The following SLC44A5 variants were observed in gnomAD, a reference collection of about 807,000 sequenced individuals.
The protein encoded by SLC44A5 is solute carrier family 44 member 5, also known as choline transporter-like protein 5.
SLC44A5 carries 57 observed loss-of-function variants against 101.8 expected under a neutral mutation model. The ratio of observed to expected loss-of-function variants is 0.56; its 90% CI spans 0.45 to 0.70. SLC44A5 has a LOEUF of 0.70. SLC44A5 is among the 30% of genes least tolerant of loss of function. The probability of loss-of-function intolerance (pLI) is 0.00; values close to 1 mark genes in which losing one functional copy is unlikely to be tolerated. For synonymous variants in SLC44A5, 281 were observed against 290.9 expected (o/e 0.97, Z 0.35); for missense variants, 737 against 853.1 (o/e 0.86, Z 1.70).
chr1:75,670,669 G>C, the SLC44A5 span, among the ~76,000 whole-genome samples: 1 of 152,156 alleles, frequency 6.6e-6, no homozygotes, highest in Non-Finnish European at 1.5e-5. Flanking sequence ...ATACAGAATT[G>C]GGGAAGAAGA....
At chr1:75,512,636 C>T (rs1221267512) in intron 2 of SLC44A5, among the ~76,000 whole-genome samples, 3 of 152,090 alleles carry the variant, frequency 2.0e-5, no homozygotes, top group Non-Finnish European at 4.4e-5. Flanking sequence ...ATAATATGCA[C>T]ACAAGTAGAT....
intron 2 of SLC44A5, among the ~76,000 whole-genome samples, chr1:75,509,316 C>A (rs900563998): frequency 6.6e-6 from 1 of 152,132 alleles, no homozygotes; most frequent in African/African-American, 2.4e-5. Context: ...CAGTGTGATT[C>A]GTATTTCTGA....
chr1:75,621,987 C>A, the SLC44A5 span, among the ~76,000 whole-genome samples: 1 of 152,114 alleles, frequency 6.6e-6, no homozygotes, highest in Admixed American at 6.6e-5. Context: ...AATAACACTT[C>A]TTCCCTTTCT....
At chr1:75,404,531 G>C (rs1436003166) in intron 2 of SLC44A5, among the ~76,000 whole-genome samples, 1 of 152,028 alleles carries the variant, frequency 6.6e-6, no homozygotes, top group African/African-American at 2.4e-5. Context: ...GAAGAGAGTG[G>C]GAGCAAATAT....
the SLC44A5 span, among the ~76,000 whole-genome samples, chr1:75,620,179 T>C: frequency 6.6e-6 from 1 of 152,226 alleles, no homozygotes; most frequent in African/African-American, 2.4e-5. Flanking sequence ...TTTTTATGGC[T>C]GCACAGTATT....
the SLC44A5 span, among the ~76,000 whole-genome samples, chr1:75,710,968 T>C: frequency 6.6e-6 from 1 of 152,228 alleles, no homozygotes; most frequent in Non-Finnish European, 1.5e-5. Flanking sequence ...TCTCTACCCA[T>C]TGGCTTCCCC....
chr1:75,267,337 T>C (rs931012246), intron 6 of SLC44A5, among the ~76,000 whole-genome samples: 4 of 152,182 alleles, frequency 2.6e-5, no homozygotes, highest in African/African-American at 9.6e-5. Flanking sequence ...GGTTTTTTTT[T>C]CTTTTAAAGG....
chr1:75,585,436 T>C (rs1032538905), intron 1 of SLC44A5, among the ~76,000 whole-genome samples: 1 of 152,232 alleles, frequency 6.6e-6, no homozygotes, highest in Non-Finnish European at 1.5e-5. Flanking sequence ...TCAATATTCA[T>C]GTATGTAAAA....
chr1:75,400,168 A>G (rs917834503), intron 2 of SLC44A5, among the ~76,000 whole-genome samples: 2 of 152,204 alleles, frequency 1.3e-5, no homozygotes, highest in African/African-American at 4.8e-5. Flanking sequence ...AACAATAGAC[A>G]TTCATGACTC....
chr1:75,600,608 A>C, intron 1 of SLC44A5, among the ~76,000 whole-genome samples: 1 of 152,196 alleles, frequency 6.6e-6, no homozygotes, highest in East Asian at 1.9e-4. Context: ...GTGCCACATA[A>C]TGACATTTTA....
chr1:75,242,097 C>T (rs1484694610), intron 8 of SLC44A5, 36 bp from the exon 9 acceptor site: 6 of 1,545,822 alleles, frequency 3.9e-6, no homozygotes, highest in African/African-American at 1.4e-5. Flanking sequence ...ATTTCAAAGG[C>T]CATGTGATGA....
intron 5 of SLC44A5, among the ~76,000 whole-genome samples, chr1:75,299,783 G>A (rs1277064549): frequency 1.3e-5 from 2 of 151,742 alleles, no homozygotes; most frequent in Non-Finnish European, 2.9e-5. Flanking sequence ...GGCCGAGGGG[G>A]GCAGATCATG....
intron 1 of SLC44A5, among the ~76,000 whole-genome samples, chr1:75,578,324 C>T (rs906610804): frequency 2.6e-5 from 4 of 151,870 alleles, no homozygotes; most frequent in African/African-American, 7.3e-5. Flanking sequence ...TGAAATAGCA[C>T]AAAAAAACAT....
chr1:75,385,988 G>A (rs1661310111), intron 3 of SLC44A5, among the ~76,000 whole-genome samples: 1 of 152,106 alleles, frequency 6.6e-6, no homozygotes, highest in Non-Finnish European at 1.5e-5. Context: ...TGCAGAAAAA[G>A]CCTTTGACAA....
At chr1:75,615,730 G>C (rs905227373), upstream of SLC44A5, 5 of 523,828 alleles carry the variant, frequency 9.5e-6, no homozygotes, top group African/African-American at 8.3e-5. Context: ...CCCCGGACAC[G>C]GCAAACTCTT....
At chr1:75,356,790 T>G (rs1207313869) in intron 3 of SLC44A5, among the ~76,000 whole-genome samples, 2 of 152,156 alleles carry the variant, frequency 1.3e-5, no homozygotes, top group Admixed American at 6.6e-5. Context: ...TATACTGCAG[T>G]TTTACTGTAC....
intron 7 of SLC44A5, among the ~76,000 whole-genome samples, chr1:75,245,665 C>T (rs1323797778): frequency 6.6e-6 from 1 of 152,052 alleles, no homozygotes; most frequent in Admixed American, 6.6e-5. Context: ...ATGTATACTA[C>T]ACATAGAAAA....
At chr1:75,611,184 G>T, upstream of SLC44A5, 1 of 776,196 alleles carries the variant, frequency 1.3e-6, no homozygotes, top group Non-Finnish European at 1.6e-6. Flanking sequence ...CCATTCTTAG[G>T]TAATCCCTGA....
At chr1:75,326,910 C>T (rs1291354538) in intron 4 of SLC44A5, among the ~76,000 whole-genome samples, 1 of 152,002 alleles carries the variant, frequency 6.6e-6, no homozygotes. Context: ...GATAAACTCG[C>T]CTATCTACAG....
Sources: gnomAD v4.1 joint callset for allele counts (sites outside exome capture counted in the v4.1 genomes callset) on GRCh38, gnomAD v4.1.1 for gene constraint, MANE v1.5 for transcripts, NCBI Gene and HGNC (gene_info 2026-07-23, HGNC 2026-07-21) for gene names.